The following CLIC5 variants were observed in gnomAD, a reference collection of about 807,000 sequenced individuals.
CLIC5 encodes CLIC family member 5.
Under a neutral mutation model 24.7 loss-of-function variants are expected in CLIC5, and 20 were observed. The ratio of observed to expected loss-of-function variants is 0.81; its 90% CI spans 0.57 to 1.18. The LOEUF (loss-of-function observed/expected upper bound fraction) is 1.18, where lower values mean the gene tolerates loss of function less well. Among genes scored for constraint, CLIC5 ranks in the 50% most tolerant of loss-of-function variants. The pLI, the probability that CLIC5 is intolerant of heterozygous loss-of-function variation, is 0.00. For synonymous variants in CLIC5, 159 were observed against 135.6 expected (o/e 1.17, Z -1.20); for missense variants, 341 against 326.1 (o/e 1.05, Z -0.35).
intron 1 of CLIC5, among the ~76,000 whole-genome samples, chr6:46,037,000 A>T (rs558157928): frequency 8.5e-5 from 13 of 152,316 alleles, no homozygotes; most frequent in Non-Finnish European, 1.5e-4. Flanking sequence ...CAAGAAAAAA[A>T]TACCTTCCCC....
At chr6:46,055,167 A>G (rs531856101) in intron 1 of CLIC5, among the ~76,000 whole-genome samples, 1 of 152,170 alleles carries the variant, frequency 6.6e-6, no homozygotes, top group African/African-American at 2.4e-5. Flanking sequence ...CAGTGGCGCC[A>G]TCTCAGCTCA....
intron 4 of CLIC5, 154 bp from the exon 5 acceptor site, chr6:45,914,563 A>G (rs1211914250): frequency 1.6e-6 from 2 of 1,256,778 alleles, no homozygotes; most frequent in East Asian, 6.0e-5. Context: ...AACCATTAAC[A>G]CAATGCAGTA....
chr6:45,888,153 G>C lies in CLIC5; in HGVS notation c.624-6965C>G, dbSNP rs114041799. Among the ~76,000 whole-genome samples the C allele has an allele frequency of 8.7e-3, 1,318 of 152,170 alleles. 10 individuals carry two copies. Among genetic ancestry groups the C allele is most frequent in the Non-Finnish European group, 0.012 (832 of 67,990 alleles). On this transcript the variant is annotated intron_variant, in intron 6 of 6. Transcript: ENST00000644324. ...TCACAGCCTGCCCCTTCCCTGGGGTGGGGGGGATTTCCTGTGAGGCTTGAA... is the reference window on the plus strand; with the variant it reads ...TCACAGCCTGCCCCTTCCCTGGGGTCGGGGGGATTTCCTGTGAGGCTTGAA...
intron 1 of CLIC5, among the ~76,000 whole-genome samples, chr6:45,988,554 C>A (rs1194839906): frequency 2.0e-5 from 3 of 152,172 alleles, no homozygotes; most frequent in Non-Finnish European, 2.9e-5. Context: ...ATCATCTGAT[C>A]CAGCCATCTC....
chr6:45,911,119 T>C (rs890286892), intron 5 of CLIC5, among the ~76,000 whole-genome samples: 1 of 152,104 alleles, frequency 6.6e-6, no homozygotes, highest in Non-Finnish European at 1.5e-5. Flanking sequence ...GCCCCTAAGT[T>C]TGTAAGTTTT....
intron 2 of CLIC5, among the ~76,000 whole-genome samples, chr6:45,950,259 G>A (rs114199251): frequency 0.02 from 3,109 of 152,234 alleles, 126 homozygotes; most frequent in African/African-American, 0.071. Context: ...ATGGCTACAT[G>A]AATAAAGCAT....
intron 1 of CLIC5, among the ~76,000 whole-genome samples, chr6:45,961,701 A>G (rs1476751221): frequency 1.3e-5 from 2 of 152,140 alleles, no homozygotes; most frequent in Non-Finnish European, 2.9e-5. Flanking sequence ...TTGGTTGGCA[A>G]GACTTCAATT....
At chr6:46,120,586 A>T in the CLIC5 span, among the ~76,000 whole-genome samples, 1 of 152,240 alleles carries the variant, frequency 6.6e-6, no homozygotes, top group Non-Finnish European at 1.5e-5. Context: ...GACGGAGAAT[A>T]ACTTTGACAA....
rs111663984 is a variant in CLIC5, at chr6:45,886,996, C to T, written c.624-5808G>A. On this transcript the variant is annotated intron_variant, in intron 6 of 6. Transcript: ENST00000644324. ...CAGAGAGGGGGCATGGACCAGTCACCTGGTCTCAGGCTGCAGGGCACAGAA... is the reference window on the plus strand; with the variant it reads ...CAGAGAGGGGGCATGGACCAGTCACTTGGTCTCAGGCTGCAGGGCACAGAA... Among the ~76,000 whole-genome samples the T allele has an allele frequency of 7.0e-4, 106 of 152,284 alleles. 3 individuals are homozygous for T. The highest frequency in any genetic ancestry group is 1.5e-3 in the African/African-American group (61 of 41,540).
the CLIC5 span, among the ~76,000 whole-genome samples, chr6:46,103,750 T>A: frequency 1.3e-5 from 2 of 152,328 alleles, no homozygotes; most frequent in South Asian, 4.1e-4. Context: ...TTGATTTTTT[T>A]CAGCAAAACT....
At chr6:45,911,793 A>G in intron 5 of CLIC5, 1 of 985,460 alleles carries the variant, frequency 1.0e-6, no homozygotes, top group Non-Finnish European at 1.2e-6. Flanking sequence ...CCCAGTGAGC[A>G]AGGAAAGGCC....
At chr6:45,898,148 C>T (rs1226791475), downstream of CLIC5, among the ~76,000 whole-genome samples, 1 of 152,154 alleles carries the variant, frequency 6.6e-6, no homozygotes, top group East Asian at 1.9e-4. Context: ...TCTCAGCTCA[C>T]TGCAGCCTCC....
intron 1 of CLIC5, among the ~76,000 whole-genome samples, chr6:45,985,445 C>A (rs577457554): frequency 6.6e-6 from 1 of 152,248 alleles, no homozygotes; most frequent in South Asian, 2.1e-4. Flanking sequence ...CTGTAAAAAG[C>A]AGGCTCATCC....
chr6:45,918,910 T>A, intron 4 of CLIC5: 9 of 975,200 alleles, frequency 9.2e-6, no homozygotes, highest in Non-Finnish European at 1.1e-5. Context: ...ATTCAACAGA[T>A]GAAGAAACTG....
chr6:46,080,183 C>A (rs550221417), exon 1 of CLIC5: 1 of 1,551,652 alleles, frequency 6.4e-7, no homozygotes, highest in South Asian at 1.2e-5. Context: ...GGTCTGGAAC[C>A]TCATACGTCC....
At chr6:45,919,223 T>C (rs1265637132) in intron 4 of CLIC5, among the ~76,000 whole-genome samples, 1 of 152,156 alleles carries the variant, frequency 6.6e-6, no homozygotes, top group Admixed American at 6.6e-5. Context: ...TTGCTCTCCT[T>C]CCTGAGTCAG....
chr6:45,908,578 A>AT (rs748677148), intron 5 of CLIC5, among the ~76,000 whole-genome samples: 1 of 152,042 alleles, frequency 6.6e-6, no homozygotes, highest in East Asian at 1.9e-4. Flanking sequence ...TAATTGTGTG[A>AT]TTTTGAGACA....
intron 1 of CLIC5, among the ~76,000 whole-genome samples, chr6:46,009,033 A>G (rs944589916): frequency 6.6e-6 from 1 of 151,930 alleles, no homozygotes; most frequent in Non-Finnish European, 1.5e-5. Context: ...CACCCTCCTA[A>G]ATCTGAAACT....
intron 1 of CLIC5, among the ~76,000 whole-genome samples, chr6:46,061,062 A>G (rs537448775): frequency 6.5e-4 from 99 of 152,372 alleles, no homozygotes; most frequent in African/African-American, 2.4e-3. Flanking sequence ...CATAGGAAGG[A>G]ATAGGCAATA....
Sources: gnomAD v4.1 joint callset for allele counts (sites outside exome capture counted in the v4.1 genomes callset) on GRCh38, gnomAD v4.1.1 for gene constraint, MANE v1.5 for transcripts, NCBI Gene and HGNC (gene_info 2026-07-23, HGNC 2026-07-21) for gene names.